Variants in ZCCHC17 observed in about 807,000 individuals in gnomAD.
The protein encoded by ZCCHC17 is zinc finger CCHC domain-containing protein 17.
A neutral mutation model predicts 30.6 loss-of-function variants in ZCCHC17; 18 were observed. That is an observed-to-expected ratio of 0.59 (90% CI 0.41 to 0.87). The LOEUF is 0.87. Ranked by LOEUF, ZCCHC17 falls within the 40% of genes least tolerant of loss-of-function variation. The pLI, the probability that ZCCHC17 is intolerant of heterozygous loss-of-function variation, is 0.00. For missense variants in ZCCHC17, 263 were observed against 284.2 expected (o/e 0.93, Z 0.54); for synonymous variants, 88 against 92.4 (o/e 0.95, Z 0.27).
At chr1:31,310,925 T>C (rs1384427248) in intron 2 of ZCCHC17, among the ~76,000 whole-genome samples, 4 of 152,208 alleles carry the variant, frequency 2.6e-5, no homozygotes, top group African/African-American at 9.7e-5. Flanking sequence ...AAGTCCTAAT[T>C]ATATCTCTGG....
intron 1 of ZCCHC17, among the ~76,000 whole-genome samples, chr1:31,308,597 A>G (rs1407285128): frequency 6.6e-6 from 1 of 152,236 alleles, no homozygotes; most frequent in Non-Finnish European, 1.5e-5. Context: ...TGAGGATAGT[A>G]CCATTAGATT....
intron 3 of ZCCHC17, among the ~76,000 whole-genome samples, chr1:31,334,908 A>G (rs1171327203): frequency 6.6e-6 from 1 of 152,204 alleles, no homozygotes; most frequent in Non-Finnish European, 1.5e-5. Flanking sequence ...CCTGAAGCAT[A>G]TAGTTTTTCC....
intron 3 of ZCCHC17, among the ~76,000 whole-genome samples, chr1:31,333,347 C>A (rs937556707): frequency 2.0e-5 from 3 of 152,176 alleles, no homozygotes; most frequent in Admixed American, 1.3e-4. Context: ...CATAGTGAAA[C>A]CCTGTCTCTA....
At chr1:31,338,117 G>A (rs1254508748) in intron 4 of ZCCHC17, among the ~76,000 whole-genome samples, 1 of 147,750 alleles carries the variant, frequency 6.8e-6, no homozygotes, top group Non-Finnish European at 1.5e-5. Flanking sequence ...CTACAGGCAC[G>A]CACCACTAAA....
At chr1:31,298,731 A>G (rs1646234612) in intron 1 of ZCCHC17, among the ~76,000 whole-genome samples, 1 of 152,216 alleles carries the variant, frequency 6.6e-6, no homozygotes, top group Non-Finnish European at 1.5e-5. Context: ...GGGGTCATTC[A>G]TGACATCCAA....
chr1:31,320,498 T>C (rs999246750), intron 3 of ZCCHC17, among the ~76,000 whole-genome samples: 4 of 152,238 alleles, frequency 2.6e-5, no homozygotes, highest in Non-Finnish European at 4.4e-5. Context: ...CCCCCAGCTT[T>C]AGGCAATCAT....
rs778260756 is a variant in ZCCHC17, at chr1:31,364,146, A to G, written c.679A>G (p.Lys227Glu). The G allele has an allele frequency of 1.2e-6, 2 of 1,613,884 alleles. No individual in the cohort carries two copies. The highest frequency in any genetic ancestry group is 1.7e-6 in the Non-Finnish European group (2 of 1,179,862). Reference protein sequence around the residue: ...RHTSKDSKAAKKKKKKKKHKK... With the variant: ...RHTSKDSKAAEKKKKKKKHKK... The stretch of plus-strand genomic sequence containing the variant: ...CACATCAAAAGACAGCAAGGCAGCA[A>G]AGAAGAAGAAAAAGAAGAAGAAGCA... The change falls in exon 8 of 8, where the codon AAG becomes GAG. Residue 227 changes from lysine to glutamate, a missense_variant. Coordinates refer to ENST00000344147, the MANE Select transcript of ZCCHC17 (RefSeq NM_016505.4).
intron 3 of ZCCHC17, among the ~76,000 whole-genome samples, chr1:31,333,882 A>T (rs4949388): frequency 0.78 from 119,004 of 152,116 alleles, 46,957 homozygotes; most frequent in African/African-American, 0.84. Flanking sequence ...ATTAATTTCC[A>T]TCATAACTTT....
At chr1:31,301,200 GAC>G (rs1478834971) in intron 1 of ZCCHC17, among the ~76,000 whole-genome samples, 1 of 152,152 alleles carries the variant, frequency 6.6e-6, no homozygotes, top group Non-Finnish European at 1.5e-5. Context: ...TATTTTAGTA[GAC>G]AATTTCCATG....
At chr1:31,297,619 T>C (rs1646197915) in intron 1 of ZCCHC17, among the ~76,000 whole-genome samples, 1 of 152,218 alleles carries the variant, frequency 6.6e-6, no homozygotes, top group Admixed American at 6.5e-5. Flanking sequence ...GCACGGTCCC[T>C]ACTCTCAGGG....
intron 5 of ZCCHC17, among the ~76,000 whole-genome samples, chr1:31,340,223 C>T (rs910039750): frequency 2.6e-5 from 4 of 150,946 alleles, no homozygotes; most frequent in East Asian, 2.0e-4. Context: ...GCTGGGATTA[C>T]AATTGTTAGC....
At chr1:31,355,914 G>A (rs1639626745) in intron 7 of ZCCHC17, among the ~76,000 whole-genome samples, 1 of 152,110 alleles carries the variant, frequency 6.6e-6, no homozygotes, top group South Asian at 2.1e-4. Context: ...TGTCTGAGAT[G>A]GCTTTTTTGG....
chr1:31,310,195 A>G (rs1646566573), intron 2 of ZCCHC17, 31 bp downstream of exon 2: 1 of 1,608,906 alleles, frequency 6.2e-7, no homozygotes, highest in Non-Finnish European at 8.5e-7. Context: ...AAAACCCACC[A>G]TTTATGTTAA....
intron 3 of ZCCHC17, among the ~76,000 whole-genome samples, chr1:31,334,621 A>AT (rs1426758112): frequency 6.6e-6 from 1 of 152,116 alleles, no homozygotes; most frequent in African/African-American, 2.4e-5. Flanking sequence ...TTTCTTTCTA[A>AT]TTTTTAAAAT....
chr1:31,338,541 C>T (rs1051361950), intron 4 of ZCCHC17, among the ~76,000 whole-genome samples: 1 of 152,186 alleles, frequency 6.6e-6, no homozygotes, highest in Non-Finnish European at 1.5e-5. Context: ...ACCAATGTGA[C>T]AAATGTCTTC....
At chr1:31,307,219 C>T (rs1351477566) in intron 1 of ZCCHC17, among the ~76,000 whole-genome samples, 2 of 151,768 alleles carry the variant, frequency 1.3e-5, no homozygotes, top group East Asian at 3.9e-4. Flanking sequence ...GTGATCCTCC[C>T]GCCTTAGCTT....
intron 3 of ZCCHC17, among the ~76,000 whole-genome samples, chr1:31,328,318 GC>G (rs1475563598): frequency 9.2e-5 from 14 of 152,000 alleles, no homozygotes; most frequent in Non-Finnish European, 1.8e-4. Flanking sequence ...TTTGAGACCA[GC>G]CTGGGTAACA....
At chr1:31,334,335 CTCTGTGTGTGTGTGTGTGTGTG>C (rs1314881837) in intron 3 of ZCCHC17, among the ~76,000 whole-genome samples, 108 of 56,758 alleles carry the variant, frequency 1.9e-3, no homozygotes, top group African/African-American at 8.3e-3. Flanking sequence ...CTCTCTCTCT[CTCTGTGTGTGTGTGTGTGTGTG>C]TGTGTGTGTG....
chr1:31,319,099 A>G lies in ZCCHC17; in HGVS notation c.67-10A>G. On this transcript the variant is annotated splice_polypyrimidine_tract_variant and intron_variant, in intron 2 of 7. Transcript: ENST00000344147. ...TATGTGACATTGATTTTTTTCCCCC[A>G]TCTTTATAGGTTGCTATGGTGACAG... The G allele has an allele frequency of 3.7e-6, 6 of 1,604,426 alleles. No homozygotes were observed. Among genetic ancestry groups the G allele is most frequent in the Non-Finnish European group, 4.3e-6 (5 of 1,173,394 alleles).
Sources: gnomAD v4.1 joint callset for allele counts (sites outside exome capture counted in the v4.1 genomes callset) on GRCh38, gnomAD v4.1.1 for gene constraint, MANE v1.5 for transcripts, NCBI Gene and HGNC (gene_info 2026-07-23, HGNC 2026-07-21) for gene names.